CTNND2: variants seen among roughly 807,000 people sequenced by gnomAD.
The protein encoded by CTNND2 is catenin delta-2.
Under a neutral mutation model 144.4 loss-of-function variants are expected in CTNND2, and 22 were observed. The observed-to-expected ratio is 0.15, with a 90% CI of 0.11 to 0.22. The LOEUF (loss-of-function observed/expected upper bound fraction) is 0.22. Among genes scored for constraint, CTNND2 ranks in the 10% least tolerant of loss-of-function variants. The probability of loss-of-function intolerance (pLI) is 1.00; values close to 1 mark genes in which losing one functional copy is unlikely to be tolerated. For missense variants in CTNND2, 1,353 were observed against 1,618.8 expected, an observed-to-expected ratio of 0.84 and a Z score of 2.82; for synonymous variants, 751 against 695.6, an observed-to-expected ratio of 1.08 and a Z score of -1.25.
chr5:11,213,498 T>C (rs893023344), intron 10 of CTNND2, among the ~76,000 whole-genome samples: 1 of 152,186 alleles, frequency 6.6e-6, no homozygotes, highest in Non-Finnish European at 1.5e-5. Flanking sequence ...ATGGTGCTGC[T>C]CAGCTGATTA....
At chr5:11,586,374 T>A (rs187999309) in intron 2 of CTNND2, among the ~76,000 whole-genome samples, 13 of 152,326 alleles carry the variant, frequency 8.5e-5, no homozygotes, top group Admixed American at 2.6e-4. Flanking sequence ...TTTTTATATG[T>A]GGCAATTCAA....
intron 9 of CTNND2, among the ~76,000 whole-genome samples, chr5:11,305,918 TA>T (rs1750148749): frequency 1.3e-5 from 2 of 152,172 alleles, no homozygotes; most frequent in South Asian, 2.1e-4. Flanking sequence ...TTTGGCCCAT[TA>T]AAAGGTATTG....
At position 11,362,130 on chromosome 5, in the gene CTNND2, T is replaced by G. The variant is rs529420125; in HGVS notation, c.1372+2566A>C. On this transcript the variant is annotated intron_variant, in intron 8 of 21. Coordinates refer to ENST00000304623, the MANE Select transcript of CTNND2 (RefSeq NM_001332.4). Reference sequence around the variant, plus strand: ...CTTTAGGCCTGCAAACCTCTTAGAGTTCTGTATCAGTGGTCTCCAGGGTAG... The same window carrying G: ...CTTTAGGCCTGCAAACCTCTTAGAGGTCTGTATCAGTGGTCTCCAGGGTAG... Among the ~76,000 whole-genome samples the G allele has an allele frequency of 6.6e-5, 10 of 152,216 alleles. 1 individual carries two copies. In the East Asian group the frequency reaches 1.9e-3, roughly 30 times the overall value.
At chr5:11,349,388 G>C (rs970812064) in intron 8 of CTNND2, among the ~76,000 whole-genome samples, 3 of 152,046 alleles carry the variant, frequency 2.0e-5, no homozygotes, top group Non-Finnish European at 4.4e-5. Context: ...CTATAAGAGA[G>C]TATACACATC....
At chr5:11,381,146 C>A (rs1758443761) in intron 7 of CTNND2, among the ~76,000 whole-genome samples, 1 of 152,148 alleles carries the variant, frequency 6.6e-6, no homozygotes, top group Non-Finnish European at 1.5e-5. Context: ...AACTATAATA[C>A]CCACTTCCAT....
chr5:11,468,706 T>A (rs1703027152), intron 3 of CTNND2, among the ~76,000 whole-genome samples: 1 of 152,208 alleles, frequency 6.6e-6, no homozygotes, highest in South Asian at 2.1e-4. Flanking sequence ...TCTTATTTTC[T>A]CTTTTCATTC....
chr5:11,474,690 T>G (rs25949), intron 3 of CTNND2, among the ~76,000 whole-genome samples: 2,019 of 152,310 alleles, frequency 0.013, 34 homozygotes, highest in African/African-American at 0.041. Context: ...AAAAAATTTA[T>G]TTTTCGCTTA....
At chr5:11,520,003 T>G (rs2150038434) in intron 3 of CTNND2, among the ~76,000 whole-genome samples, 1 of 149,704 alleles carries the variant, frequency 6.7e-6, no homozygotes, top group Middle Eastern at 3.5e-3. Flanking sequence ...AAAAAACAGC[T>G]GGGCGTGGTG....
intron 10 of CTNND2, among the ~76,000 whole-genome samples, chr5:11,208,811 G>A (rs1281095694): frequency 1.3e-5 from 2 of 152,046 alleles, no homozygotes. Flanking sequence ...ACTTAAAGTC[G>A]GGTGGAAAGA....
chr5:11,839,381 C>G (rs1355990743), intron 1 of CTNND2, among the ~76,000 whole-genome samples: 4 of 152,102 alleles, frequency 2.6e-5, no homozygotes, highest in Non-Finnish European at 4.4e-5. Context: ...ACTTCAAAAA[C>G]AGAGGTGTCT....
At chr5:11,312,133 T>TACA (rs1751021669) in intron 9 of CTNND2, among the ~76,000 whole-genome samples, 1 of 67,790 alleles carries the variant, frequency 1.5e-5, no homozygotes, top group Non-Finnish European at 3.0e-5. Flanking sequence ...TCCCCATACA[T>TACA]CCTCTCCCCC....
intron 1 of CTNND2, among the ~76,000 whole-genome samples, chr5:11,856,319 C>T (rs180922467): frequency 2.0e-3 from 298 of 152,202 alleles, no homozygotes; most frequent in African/African-American, 7.0e-3. Flanking sequence ...CCAGAGGGAA[C>T]GAGGTAAGAA....
At chr5:10,992,329 G>T (rs1411521313) in intron 19 of CTNND2, among the ~76,000 whole-genome samples, 2 of 152,216 alleles carry the variant, frequency 1.3e-5, no homozygotes, top group Non-Finnish European at 2.9e-5. Context: ...TTACGTGCAT[G>T]TCATGCATAA....
At position 11,203,445 on chromosome 5, in the gene CTNND2, T is replaced by G. The variant is rs542002730; in HGVS notation, c.1762-3784A>C. Among the ~76,000 whole-genome samples the G allele has an allele frequency of 3.3e-5, 5 of 152,278 alleles. No homozygotes were observed. In the South Asian group the frequency reaches 1.0e-3, roughly 32 times the overall value. ...ATGCAAAATTGTTTTTGTTTTGTTTTGTTTTGTTTTGTTTTTAGACAGAGT... is the reference window on the plus strand; with the variant it reads ...ATGCAAAATTGTTTTTGTTTTGTTTGGTTTTGTTTTGTTTTTAGACAGAGT... On this transcript the variant is annotated intron_variant, in intron 10 of 21. Coordinates refer to ENST00000304623, the MANE Select transcript of CTNND2 (RefSeq NM_001332.4).
At chr5:11,669,624 T>C (rs1333807675) in intron 2 of CTNND2, among the ~76,000 whole-genome samples, 6 of 152,164 alleles carry the variant, frequency 3.9e-5, no homozygotes, top group African/African-American at 1.4e-4. Context: ...CCCTTTATCA[T>C]TTTTTATTGT....
chr5:11,392,372 T>C (rs570767234), intron 6 of CTNND2, among the ~76,000 whole-genome samples: 2 of 152,346 alleles, frequency 1.3e-5, no homozygotes, highest in Admixed American at 6.5e-5. Context: ...AAGTATCTTA[T>C]AGATTTATCT....
chr5:11,790,413 G>A (rs1791070639), intron 1 of CTNND2, among the ~76,000 whole-genome samples: 1 of 143,368 alleles, frequency 7.0e-6, no homozygotes, highest in African/African-American at 2.6e-5. Context: ...ATTGAGCATG[G>A]GCTTTTGAGT....
intron 9 of CTNND2, 125 bp downstream of exon 9, chr5:11,346,247 A>G: frequency 1.1e-6 from 1 of 924,820 alleles, no homozygotes; most frequent in Non-Finnish European, 1.5e-6. Context: ...AACAAAAGAA[A>G]ACCCAAGAAA....
At chr5:11,133,254 GCA>G (rs1220537746) in intron 12 of CTNND2, among the ~76,000 whole-genome samples, 1 of 151,994 alleles carries the variant, frequency 6.6e-6, no homozygotes, top group African/African-American at 2.4e-5. Flanking sequence ...GGAAATATTA[GCA>G]CAGTCTTGCT....
Sources: gnomAD v4.1 joint callset for allele counts (sites outside exome capture counted in the v4.1 genomes callset) on GRCh38, gnomAD v4.1.1 for gene constraint, MANE v1.5 for transcripts, NCBI Gene and HGNC (gene_info 2026-07-23, HGNC 2026-07-21) for gene names.